RBFOX1: variants seen among roughly 807,000 people sequenced by gnomAD.
RBFOX1 encodes RNA binding fox-1 homolog 1.
In RBFOX1, 8 loss-of-function variants were observed where a neutral mutation model predicts 57.7. The ratio of observed to expected loss-of-function variants is 0.14; its 90% CI spans 0.08 to 0.25. The LOEUF is 0.25. Ranked by LOEUF, RBFOX1 falls within the 10% of genes least tolerant of loss-of-function variation. The pLI is 1.00. For synonymous variants in RBFOX1, 326 were observed against 222.4 expected (o/e 1.47, Z -4.15); for missense variants, 611 against 548.5 (o/e 1.11, Z -1.14).
intron 14 of RBFOX1, among the ~76,000 whole-genome samples, chr16:7,700,331 G>A (rs1411568525): frequency 6.6e-6 from 1 of 152,060 alleles, no homozygotes; most frequent in African/African-American, 2.4e-5. Context: ...TGTACGATGA[G>A]GATGCACCAT....
chr16:5,512,422 C>G (rs1013275718), intron 2 of RBFOX1, among the ~76,000 whole-genome samples: 1 of 81,358 alleles, frequency 1.2e-5, no homozygotes, highest in Non-Finnish European at 2.3e-5. Context: ...CTCTCTTTCT[C>G]TCTCTCTCTC....
At chr16:5,486,250 G>A (rs766057421) in intron 2 of RBFOX1, among the ~76,000 whole-genome samples, 2 of 152,178 alleles carry the variant, frequency 1.3e-5, no homozygotes, top group Admixed American at 6.5e-5. Flanking sequence ...GTTCCATCAA[G>A]GGTCATCTCA....
chr16:6,122,211 T>A (rs1370619229), intron 1 of RBFOX1, among the ~76,000 whole-genome samples: 1 of 152,180 alleles, frequency 6.6e-6, no homozygotes, highest in Non-Finnish European at 1.5e-5. Flanking sequence ...TGGCCCTTTT[T>A]GTTATTTTTT....
At chr16:5,592,075 G>A (rs1225812773) in intron 2 of RBFOX1, among the ~76,000 whole-genome samples, 1 of 152,214 alleles carries the variant, frequency 6.6e-6, no homozygotes, top group East Asian at 1.9e-4. Context: ...TATGGTTGAA[G>A]TTTTAATTAC....
At chr16:7,334,637 T>C (rs968293113) in intron 4 of RBFOX1, among the ~76,000 whole-genome samples, 1 of 152,190 alleles carries the variant, frequency 6.6e-6, no homozygotes, top group South Asian at 2.1e-4. Flanking sequence ...TGTAATCAGG[T>C]TTAATGGACT....
At chr16:7,434,982 C>A (rs144286680) in intron 4 of RBFOX1, among the ~76,000 whole-genome samples, 16 of 152,052 alleles carry the variant, frequency 1.1e-4, no homozygotes, top group South Asian at 2.1e-4. Context: ...TTCAGTGATC[C>A]GCCTGCCTTG....
intron 1 of RBFOX1, among the ~76,000 whole-genome samples, chr16:6,201,509 G>A (rs1010779525): frequency 6.6e-6 from 1 of 152,162 alleles, no homozygotes; most frequent in African/African-American, 2.4e-5. Flanking sequence ...GGTTGCCAGA[G>A]GCTGAGAAGG....
intron 3 of RBFOX1, among the ~76,000 whole-genome samples, chr16:5,619,807 G>T (rs867163): frequency 0.48 from 72,388 of 151,898 alleles, 21,398 homozygotes; most frequent in Non-Finnish European, 0.67. Context: ...CTTTCACTGA[G>T]TTTCCGTGAA....
intron 3 of RBFOX1, among the ~76,000 whole-genome samples, chr16:5,651,037 CTTCTTTTTTTTTTT>C (rs2151361675): frequency 1.3e-5 from 1 of 75,922 alleles, no homozygotes; most frequent in South Asian, 5.4e-4. Flanking sequence ...ACACTACCTC[CTTCTTTTTTTTTTT>C]TTTTTTTTTT....
At chr16:6,106,466 C>CAAAAAAAAAAA (rs139996811) in intron 1 of RBFOX1, among the ~76,000 whole-genome samples, 1 of 109,450 alleles carries the variant, frequency 9.1e-6, no homozygotes, top group Non-Finnish European at 1.7e-5. Context: ...GTATCTGTCT[C>CAAAAAAAAAAA]AAAAATAAAA....
At position 6,027,638 on chromosome 16, in the gene RBFOX1, G is replaced by T. The variant is rs919708630; in HGVS notation, c.-127+7646G>T. 3.3e-5 allele frequency among the ~76,000 whole-genome samples: 5 copies of T among 152,296 alleles called. No individual in the cohort carries two copies. In the South Asian group the frequency reaches 1.0e-3, roughly 32 times the overall value. On this transcript the variant is annotated intron_variant, in intron 1 of 15. Coordinates refer to ENST00000550418, the MANE Select transcript of RBFOX1 (RefSeq NM_018723.4). ...GCCTGGCACCTAGTGTGTGTTTAGT[G>T]CAAGTAGGAGTCATAGGGCTGACTA...
At chr16:5,519,119 C>G (rs1227590110) in intron 2 of RBFOX1, among the ~76,000 whole-genome samples, 2 of 152,222 alleles carry the variant, frequency 1.3e-5, no homozygotes, top group African/African-American at 4.8e-5. Context: ...ACATCTTGAT[C>G]TCAAACTCCA....
intron 3 of RBFOX1, among the ~76,000 whole-genome samples, chr16:6,821,221 C>A (rs920616414): frequency 3.9e-5 from 6 of 152,142 alleles, no homozygotes; most frequent in African/African-American, 1.4e-4. Flanking sequence ...TGGCCTCTAC[C>A]CTTGTAGCTG....
chr16:6,690,157 A>G (rs962279560), intron 3 of RBFOX1, among the ~76,000 whole-genome samples: 3 of 152,202 alleles, frequency 2.0e-5, no homozygotes, highest in Non-Finnish European at 2.9e-5. Flanking sequence ...GCTTATAAGG[A>G]TTGAATAAAT....
At chr16:6,873,224 A>G (rs1418991144) in intron 3 of RBFOX1, among the ~76,000 whole-genome samples, 2 of 151,600 alleles carry the variant, frequency 1.3e-5, no homozygotes, top group African/African-American at 4.8e-5. Context: ...TTTTTCATTT[A>G]TGTAAATAAA....
At chr16:6,835,354 C>G (rs188180157) in intron 3 of RBFOX1, among the ~76,000 whole-genome samples, 1 of 152,246 alleles carries the variant, frequency 6.6e-6, no homozygotes, top group East Asian at 1.9e-4. Flanking sequence ...TGATATTTTA[C>G]TCTGCATAAT....
At chr16:6,174,470 C>T (rs1598062191) in intron 1 of RBFOX1, among the ~76,000 whole-genome samples, 1 of 152,248 alleles carries the variant, frequency 6.6e-6, no homozygotes, top group African/African-American at 2.4e-5. Context: ...AGGTGCGTGC[C>T]TGTAGTCCCA....
At chr16:7,392,323 A>T (rs2098044963) in intron 4 of RBFOX1, among the ~76,000 whole-genome samples, 1 of 152,126 alleles carries the variant, frequency 6.6e-6, no homozygotes. Context: ...ACGTCCCAAA[A>T]TTATAATGAA....
At chr16:7,009,283 C>T (rs950126932) in intron 3 of RBFOX1, among the ~76,000 whole-genome samples, 1 of 145,270 alleles carries the variant, frequency 6.9e-6, no homozygotes, top group Non-Finnish European at 1.5e-5. Context: ...TCTCTCTTTT[C>T]TCTCTCACTC....
Sources: gnomAD v4.1 joint callset for allele counts (sites outside exome capture counted in the v4.1 genomes callset) on GRCh38, gnomAD v4.1.1 for gene constraint, MANE v1.5 for transcripts, NCBI Gene and HGNC (gene_info 2026-07-23, HGNC 2026-07-21) for gene names.